Variants in GRIK4 observed in about 807,000 individuals in gnomAD.
GRIK4 encodes glutamate receptor ionotropic, kainate 4.
GRIK4 carries 40 observed loss-of-function variants against 104.9 expected under a neutral mutation model. The observed-to-expected ratio is 0.38, with a 90% CI of 0.30 to 0.50. The LOEUF is 0.50. Among genes scored for constraint, GRIK4 ranks in the 20% least tolerant of loss-of-function variants. The pLI is 0.93. For synonymous variants in GRIK4, 485 were observed against 524.9 expected, an observed-to-expected ratio of 0.92 and a Z score of 1.04; for missense variants, 1,047 against 1,308.1, an observed-to-expected ratio of 0.80 and a Z score of 3.08.
rs111523175 is a variant in GRIK4 at position 120,874,146 on chromosome 11, C to T, written c.987C>T (p.Gly329=). The change falls in exon 10 of 21, where the codon GGC becomes GGT. Residue 329 remains glycine, a synonymous_variant. Transcript: ENST00000527524. Reference sequence around the variant, plus strand: ...AACTGAACCGGAGCCAAGAGATCGGCGTGAAGCCCTTGTCCTGCGGCTCGG... The same window carrying T: ...AACTGAACCGGAGCCAAGAGATCGGTGTGAAGCCCTTGTCCTGCGGCTCGG... ...VQELNRSQEI[G]VKPLSCGSAQ... The T allele has an allele frequency of 3.1e-5, 50 of 1,613,898 alleles. No individual in the cohort carries two copies. The highest frequency in any genetic ancestry group is 2.7e-4 in the Admixed American group (16 of 60,020).
rs553413072 is a variant in GRIK4, at chr11:120,700,329, A to G, written c.82+39929A>G. 1.1e-4 allele frequency among the ~76,000 whole-genome samples: 16 copies of G among 143,326 alleles called. No individual in the cohort carries two copies. The East Asian group carries it at 2.6e-3, about 24-fold the overall frequency. The allele number at this position is 143,326 out of a possible 152,430, so 94.0% of individuals were successfully genotyped here. ...GTCGCCCAGGCTGGAGTGGAGTGGC[A>G]TGATCTTGGCTCATTGCAACCTCCA... On this transcript the variant is annotated intron_variant, in intron 3 of 20. Transcript: ENST00000527524.
rs566264055 is a variant in GRIK4, at chr11:120,741,751, C to T, written c.83-60942C>T. On this transcript the variant is annotated intron_variant, in intron 3 of 20. Transcript: ENST00000527524. ...GTTTTCATTCATGGATATCAGTATACATGCACGCATACATGCACAGGCAAG... is the reference window on the plus strand; with the variant it reads ...GTTTTCATTCATGGATATCAGTATATATGCACGCATACATGCACAGGCAAG... Among the ~76,000 whole-genome samples the T allele has an allele frequency of 4.6e-4, 70 of 152,270 alleles. 1 individual carries two copies. Among genetic ancestry groups the T allele is most frequent in the African/African-American group, 1.4e-3 (60 of 41,544 alleles).
chr11:120,548,558 A>G (rs1372413746), intron 1 of GRIK4, among the ~76,000 whole-genome samples: 1 of 152,040 alleles, frequency 6.6e-6, no homozygotes, highest in Non-Finnish European at 1.5e-5. Flanking sequence ...AGCCTTGCTG[A>G]GGGATTCAGA....
intron 1 of GRIK4, among the ~76,000 whole-genome samples, chr11:120,647,166 C>T (rs1292283543): frequency 3.9e-5 from 6 of 152,318 alleles, no homozygotes; most frequent in Non-Finnish European, 8.8e-5. Context: ...CTCTGCTTCC[C>T]TTGGAGAACC....
chr11:120,620,836 G>A (rs1427088310), intron 1 of GRIK4, among the ~76,000 whole-genome samples: 13 of 152,092 alleles, frequency 8.5e-5, no homozygotes, highest in Admixed American at 3.3e-4. Flanking sequence ...ACGATGTGCC[G>A]GGCATTGTGC....
chr11:120,637,873 T>C (rs1330757591), intron 1 of GRIK4, among the ~76,000 whole-genome samples: 1 of 151,966 alleles, frequency 6.6e-6, no homozygotes, highest in Admixed American at 6.6e-5. Context: ...AGCTTATGCA[T>C]ATGTTTATTA....
At chr11:120,545,920 A>G (rs895862014) in intron 1 of GRIK4, among the ~76,000 whole-genome samples, 17 of 152,164 alleles carry the variant, frequency 1.1e-4, no homozygotes, top group Non-Finnish European at 2.5e-4. Flanking sequence ...AGACAGAGCC[A>G]AGGGTGGCAC....
chr11:120,979,086 A>C (rs1268221473), intron 19 of GRIK4, among the ~76,000 whole-genome samples: 2 of 152,252 alleles, frequency 1.3e-5, no homozygotes, highest in African/African-American at 4.8e-5. Flanking sequence ...TCATAGACAG[A>C]ATTACTTGGA....
chr11:120,974,435 G>A (rs765373286), intron 19 of GRIK4, among the ~76,000 whole-genome samples: 5 of 152,134 alleles, frequency 3.3e-5, no homozygotes, highest in Non-Finnish European at 7.3e-5. Flanking sequence ...TCTGTTTTTC[G>A]GAGACCTCTG....
chr11:120,714,579 A>G (rs1047370211), intron 3 of GRIK4, among the ~76,000 whole-genome samples: 1 of 152,174 alleles, frequency 6.6e-6, no homozygotes, highest in Admixed American at 6.5e-5. Context: ...AATGTGTCCT[A>G]ATAGAGGAAG....
chr11:120,591,437 C>T (rs753742644), intron 1 of GRIK4, among the ~76,000 whole-genome samples: 9 of 152,086 alleles, frequency 5.9e-5, no homozygotes, highest in Non-Finnish European at 1.0e-4. Flanking sequence ...GCTGCCTTCT[C>T]GATCCAACTC....
intron 10 of GRIK4, 56 bp from the exon 11 acceptor site, chr11:120,875,083 G>A (rs1954745033): frequency 7.3e-6 from 8 of 1,102,294 alleles, no homozygotes; most frequent in Non-Finnish European, 8.4e-6. Flanking sequence ...ATCTTGCTTG[G>A]GGGCAAGTGT....
intron 3 of GRIK4, among the ~76,000 whole-genome samples, chr11:120,788,783 T>C (rs1279833917): frequency 6.6e-6 from 1 of 151,074 alleles, no homozygotes; most frequent in Non-Finnish European, 1.5e-5. Context: ...AGGTTGTGCT[T>C]CCCCCCACCG....
chr11:120,923,860 C>G (rs1169513366), intron 13 of GRIK4, among the ~76,000 whole-genome samples: 4 of 152,220 alleles, frequency 2.6e-5, no homozygotes, highest in Non-Finnish European at 5.9e-5. Context: ...ACCCAGGACC[C>G]TCTGATGGCT....
At chr11:120,559,069 T>C (rs1201648110) in intron 1 of GRIK4, among the ~76,000 whole-genome samples, 2 of 152,202 alleles carry the variant, frequency 1.3e-5, no homozygotes, top group Non-Finnish European at 2.9e-5. Flanking sequence ...CCTTCTCTGT[T>C]CTCAGCTGGG....
intron 12 of GRIK4, among the ~76,000 whole-genome samples, chr11:120,904,170 A>G (rs560252592): frequency 2.2e-4 from 34 of 152,144 alleles, no homozygotes; most frequent in African/African-American, 7.7e-4. Flanking sequence ...ATCTCTGTAC[A>G]TGTGCAATCT....
chr11:120,975,256 G>C (rs935373206), intron 19 of GRIK4, among the ~76,000 whole-genome samples: 1 of 152,164 alleles, frequency 6.6e-6, no homozygotes, highest in Non-Finnish European at 1.5e-5. Context: ...AGTGATGGGA[G>C]TGGAGGGGGC....
intron 13 of GRIK4, among the ~76,000 whole-genome samples, chr11:120,918,709 T>C (rs1009234674): frequency 7.2e-5 from 11 of 152,148 alleles, no homozygotes; most frequent in African/African-American, 2.4e-4. Context: ...TGAGACCCGG[T>C]GTATAAGTTA....
chr11:120,789,593 T>C (rs2135489568), intron 3 of GRIK4, among the ~76,000 whole-genome samples: 1 of 152,276 alleles, frequency 6.6e-6, no homozygotes, highest in African/African-American at 2.4e-5. Flanking sequence ...ATGCAAATCT[T>C]ATGACGTCAT....
Sources: allele counts gnomAD v4.1 joint callset (sites outside exome capture counted in the v4.1 genomes callset), GRCh38; gene constraint gnomAD v4.1.1; transcripts MANE v1.5; gene names NCBI Gene and HGNC (gene_info 2026-07-23, HGNC 2026-07-21).